Variants in ADCY2 observed in about 807,000 individuals in gnomAD.
ADCY2 encodes the protein adenylate cyclase 2, also known as adenylate cyclase type 2.
A neutral mutation model predicts 125.2 loss-of-function variants in ADCY2; 31 were observed. The ratio of observed to expected loss-of-function variants is 0.25; its 90% confidence interval spans 0.19 to 0.33. The LOEUF (loss-of-function observed/expected upper bound fraction) is 0.33. Among genes scored for constraint, ADCY2 ranks in the 10% least tolerant of loss-of-function variants. The pLI is 1.00. For missense variants in ADCY2, 904 were observed against 1,418.2 expected, an observed-to-expected ratio of 0.64 and a Z score of 5.82; for synonymous variants, 512 against 548.4, an observed-to-expected ratio of 0.93 and a Z score of 0.93.
intron 16 of ADCY2, among the ~76,000 whole-genome samples, chr5:7,759,017 C>T (rs568735782): frequency 6.6e-6 from 1 of 152,266 alleles, no homozygotes; most frequent in Non-Finnish European, 1.5e-5. Context: ...CACCTGGACC[C>T]CAGATGGGCC....
At chr5:7,674,951 C>A (rs955158509) in intron 4 of ADCY2, among the ~76,000 whole-genome samples, 2 of 152,020 alleles carry the variant, frequency 1.3e-5, no homozygotes, top group Non-Finnish European at 2.9e-5. Context: ...GTCAGGAGAT[C>A]GAGACCATCC....
At chr5:7,428,624 G>A (rs1298216774) in intron 2 of ADCY2, among the ~76,000 whole-genome samples, 1 of 152,104 alleles carries the variant, frequency 6.6e-6, no homozygotes, top group East Asian at 1.9e-4. Flanking sequence ...TAAGTATTCT[G>A]TTAAAACCAG....
At chr5:7,723,078 A>G (rs1007453686) in intron 12 of ADCY2, among the ~76,000 whole-genome samples, 2 of 150,942 alleles carry the variant, frequency 1.3e-5, no homozygotes, top group Non-Finnish European at 2.9e-5. Context: ...ATTCTCCCTT[A>G]TAAGTGGGAT....
chr5:7,787,151 T>C (rs1744107092), intron 19 of ADCY2, among the ~76,000 whole-genome samples: 1 of 152,188 alleles, frequency 6.6e-6, no homozygotes, highest in Admixed American at 6.5e-5. Context: ...ATCCGAGGGA[T>C]GGGAGGCTCT....
intron 8 of ADCY2, 78 bp downstream of exon 8, chr5:7,706,980 G>A (rs1303949348): frequency 2.8e-5 from 44 of 1,559,170 alleles, no homozygotes; most frequent in Non-Finnish European, 3.8e-5. Context: ...TAATGACGGA[G>A]TGCTCAGTTT....
chr5:7,677,957 C>A (rs893556168), intron 4 of ADCY2, among the ~76,000 whole-genome samples: 1 of 152,174 alleles, frequency 6.6e-6, no homozygotes, highest in African/African-American at 2.4e-5. Flanking sequence ...TTTTACCAGA[C>A]TCAGCTTTAT....
chr5:7,775,764 C>G (rs1186300766), intron 18 of ADCY2, among the ~76,000 whole-genome samples: 1 of 152,208 alleles, frequency 6.6e-6, no homozygotes, highest in Non-Finnish European at 1.5e-5. Context: ...GTAGGTCTTA[C>G]TCATTATTTT....
At position 7,816,923 on chromosome 5, in the gene ADCY2, G is replaced by A. The variant is rs145840752; in HGVS notation, c.2941G>A (p.Val981Ile). The change falls in exon 23 of 25, where the codon GTA (valine) becomes ATA (isoleucine). Residue 981 changes from valine (V) to isoleucine (I), a missense_variant. This residue lies in a region of ADCY2 where 181 missense variants were observed against 381.6 expected (regional missense o/e 0.47). Coordinates refer to ENST00000338316, the MANE Select transcript of ADCY2 (RefSeq NM_020546.3). ...GTMVEFAFALVGKLDAINKHS... is the reference protein window; with the variant it reads ...GTMVEFAFALIGKLDAINKHS... ...CATGGTGGAGTTTGCTTTTGCCCTG[G>A]TAGGGAAGCTGGATGCCATCAACAA... 2.2e-4 allele frequency: 351 copies of A among 1,614,168 alleles called. 4 individuals carry two copies. The African/African-American group carries it at 4.3e-3, about 20-fold the overall frequency.
intron 1 of ADCY2, among the ~76,000 whole-genome samples, chr5:7,397,075 C>T (rs540370164): frequency 3.9e-5 from 6 of 152,250 alleles, no homozygotes; most frequent in African/African-American, 1.4e-4. Context: ...CTCTTTAGCC[C>T]GATAGACGGA....
chr5:7,649,320 T>G (rs1050388765), intron 4 of ADCY2, among the ~76,000 whole-genome samples: 26 of 152,218 alleles, frequency 1.7e-4, no homozygotes. Context: ...TATGGATGCA[T>G]CATCAGTTTA....
chr5:7,649,787 AAAAC>A (rs1475914931), intron 4 of ADCY2, among the ~76,000 whole-genome samples: 1 of 152,210 alleles, frequency 6.6e-6, no homozygotes, highest in Non-Finnish European at 1.5e-5. Flanking sequence ...TATCTCAAAC[AAAAC>A]ATGACCAAAA....
intron 3 of ADCY2, among the ~76,000 whole-genome samples, chr5:7,606,167 C>A (rs952246039): frequency 1.3e-5 from 2 of 151,934 alleles, no homozygotes; most frequent in Non-Finnish European, 2.9e-5. Context: ...GTGTTGTTTA[C>A]GTGGATTTAT....
intron 4 of ADCY2, among the ~76,000 whole-genome samples, chr5:7,637,875 GT>G (rs1738563903): frequency 6.6e-6 from 1 of 152,188 alleles, no homozygotes; most frequent in South Asian, 2.1e-4. Flanking sequence ...GAGTTTCAAG[GT>G]TGGGCAGTTT....
In ADCY2 at chr5:7,802,840, CTG is replaced by C. The variant is rs1744641330; in HGVS notation, c.2775+478_2775+479del. 6.6e-6 allele frequency among the ~76,000 whole-genome samples: 1 copy of C among 152,134 alleles called. No homozygotes were observed. The highest frequency in any genetic ancestry group is 1.5e-5 in the Non-Finnish European group (1 of 68,036). ...ACATACTTTAGGAGGGACAGAGTGT[CTG>C]TTTTAGAATTTGAAATAGATGTTAT... On this transcript the variant is annotated intron_variant, in intron 21 of 24. Transcript: ENST00000338316. This position sits in a 1 kb window ranked among gnomAD's most constrained non-coding sequence, Gnocchi z 4.6.
intron 3 of ADCY2, among the ~76,000 whole-genome samples, chr5:7,590,056 C>T (rs577430240): frequency 2.6e-5 from 4 of 152,234 alleles, no homozygotes; most frequent in East Asian, 3.9e-4. Context: ...ACCCAAATCC[C>T]ATGGCCAAGC....
chr5:7,573,740 TG>T (rs1736146811), intron 3 of ADCY2, among the ~76,000 whole-genome samples: 1 of 151,674 alleles, frequency 6.6e-6, no homozygotes, highest in African/African-American at 2.4e-5. Context: ...CTCTTTTTTT[TG>T]TTTGTTTTTG....
chr5:7,453,991 C>A (rs866394443), intron 2 of ADCY2, among the ~76,000 whole-genome samples: 1 of 152,184 alleles, frequency 6.6e-6, no homozygotes, highest in African/African-American at 2.4e-5. Flanking sequence ...CAGGTTTTTT[C>A]TATCTACAGG....
At chr5:7,689,437 C>A (rs1301379213) in intron 4 of ADCY2, among the ~76,000 whole-genome samples, 4 of 152,178 alleles carry the variant, frequency 2.6e-5, no homozygotes, top group East Asian at 3.9e-4. Flanking sequence ...TCAGTTATGC[C>A]AGTACATGGA....
At chr5:7,612,534 G>A (rs1404888166) in intron 3 of ADCY2, among the ~76,000 whole-genome samples, 2 of 152,214 alleles carry the variant, frequency 1.3e-5, no homozygotes, top group African/African-American at 4.8e-5. Context: ...GGGGAGCACT[G>A]GAGTTTATTC....
Sources: gnomAD v4.1 joint callset for allele counts (sites outside exome capture counted in the v4.1 genomes callset) on GRCh38, gnomAD v4.1.1 for gene constraint, gnomAD v4.1.1 regional missense constraint, Gnocchi (gnomAD v3.1) non-coding constraint, MANE v1.5 for transcripts, NCBI Gene and HGNC (gene_info 2026-07-23, HGNC 2026-07-21) for gene names.